GPC5: variants seen among roughly 807,000 people sequenced by gnomAD.
GPC5 encodes the protein glypican 5.
GPC5 carries 47 observed loss-of-function variants against 53.9 expected under a neutral mutation model. The ratio of observed to expected loss-of-function variants is 0.87; its 90% CI spans 0.69 to 1.11. GPC5 has a LOEUF of 1.11. GPC5 is among the 50% of genes most tolerant of loss of function. The pLI is 0.00. For missense variants in GPC5, 748 were observed against 713.1 expected, an observed-to-expected ratio of 1.05 and a Z score of -0.56; for synonymous variants, 286 against 263.3, an observed-to-expected ratio of 1.09 and a Z score of -0.84.
At chr13:92,113,776 C>A (rs2138931731) in intron 6 of GPC5, among the ~76,000 whole-genome samples, 1 of 149,902 alleles carries the variant, frequency 6.7e-6, no homozygotes, top group East Asian at 1.9e-4. Flanking sequence ...AAAGGTTATT[C>A]TTGAGGAGAC....
chr13:92,276,045 TGAA>T (rs1376700836), intron 7 of GPC5, among the ~76,000 whole-genome samples: 1 of 151,934 alleles, frequency 6.6e-6, no homozygotes, highest in Non-Finnish European at 1.5e-5. Flanking sequence ...ATTTAGAAAA[TGAA>T]CTGAGAATTG....
At chr13:92,796,656 G>GA (rs1876696489) in intron 7 of GPC5, among the ~76,000 whole-genome samples, 1 of 151,832 alleles carries the variant, frequency 6.6e-6, no homozygotes, top group South Asian at 2.1e-4. Flanking sequence ...TCAAAACAAA[G>GA]AAAATGACAA....
intron 7 of GPC5, among the ~76,000 whole-genome samples, chr13:92,740,708 TG>T (rs923562544): frequency 6.6e-6 from 1 of 151,894 alleles, no homozygotes; most frequent in Non-Finnish European, 1.5e-5. Context: ...ATGGAGATTG[TG>T]GGGAATTTCA....
At chr13:92,742,883 G>C (rs1196708433) in intron 7 of GPC5, among the ~76,000 whole-genome samples, 3 of 152,122 alleles carry the variant, frequency 2.0e-5, no homozygotes, top group Non-Finnish European at 1.5e-5. Context: ...TCAAAGATCA[G>C]ATAGTTGTAG....
chr13:91,924,772 TA>T (rs2039750783), intron 6 of GPC5, among the ~76,000 whole-genome samples: 1 of 151,436 alleles, frequency 6.6e-6, no homozygotes. Context: ...AAATAGAAAA[TA>T]AAAATATCAT....
intron 7 of GPC5, among the ~76,000 whole-genome samples, chr13:92,359,549 CGCATTACTATAAAGAACT>C (rs1235470406): frequency 6.6e-6 from 1 of 151,506 alleles, no homozygotes; most frequent in Non-Finnish European, 1.5e-5. Flanking sequence ...ACTTCATTAT[CGCATTACTATAAAGAACT>C]ACATGAGACT....
At chr13:92,350,464 T>G (rs2043466883) in intron 7 of GPC5, among the ~76,000 whole-genome samples, 1 of 152,124 alleles carries the variant, frequency 6.6e-6, no homozygotes, top group African/African-American at 2.4e-5. Context: ...ATGTTCTCCC[T>G]TACGTGTAGA....
At chr13:91,813,545 GT>G (rs2038348569) in intron 5 of GPC5, among the ~76,000 whole-genome samples, 1 of 152,178 alleles carries the variant, frequency 6.6e-6, no homozygotes, top group Non-Finnish European at 1.5e-5. Context: ...GGCCGGGTTG[GT>G]CTTTGACAGA....
chr13:92,036,885 T>G (rs1439817745), intron 6 of GPC5, among the ~76,000 whole-genome samples: 1 of 152,178 alleles, frequency 6.6e-6, no homozygotes. Context: ...CTCTAACTCT[T>G]CCTATAGTGA....
At chr13:92,609,902 G>A (rs1325374906) in intron 7 of GPC5, among the ~76,000 whole-genome samples, 2 of 151,854 alleles carry the variant, frequency 1.3e-5, no homozygotes, top group Non-Finnish European at 1.5e-5. Flanking sequence ...ATGGTGGCAT[G>A]TGCCTGTAAT....
chr13:91,989,808 G>A (rs1594709309), intron 6 of GPC5, among the ~76,000 whole-genome samples: 1 of 150,950 alleles, frequency 6.6e-6, no homozygotes, highest in East Asian at 2.0e-4. Context: ...TATTATTGGT[G>A]TACTTTATTA....
intron 6 of GPC5, among the ~76,000 whole-genome samples, chr13:92,138,608 T>C (rs1297475340): frequency 6.6e-6 from 1 of 152,092 alleles, no homozygotes; most frequent in African/African-American, 2.4e-5. Flanking sequence ...ATTTCATTTG[T>C]GTATGTTCGC....
Position 91,398,716 on chromosome 13 carries a change from T to C in GPC5, c.-331T>C, listed in dbSNP as rs1261355645. ...GCGGCAGTGGCGGCAGCGGCAGCAG[T>C]TGCAGCAGTGGTGGCCAGAGCGGAT... On this transcript the variant is annotated 5_prime_UTR_variant, in exon 1 of 8. Transcript: ENST00000377067. 7.4e-6 allele frequency: 2 copies of C among 270,330 alleles called. No homozygotes were observed. The highest frequency in any genetic ancestry group is 1.4e-5 in the Non-Finnish European group (2 of 146,136). The allele number at this position is 270,330 out of a possible 1,614,324, so 16.7% of individuals were successfully genotyped here. A position where few individuals can be genotyped will look rare whatever the true frequency, so the allele number is the denominator to read the frequency against.
chr13:91,455,444 T>A (rs1881476381), intron 2 of GPC5, among the ~76,000 whole-genome samples: 1 of 152,152 alleles, frequency 6.6e-6, no homozygotes, highest in Non-Finnish European at 1.5e-5. Flanking sequence ...TGGTCCTCTC[T>A]GATTATTAGG....
At chr13:91,543,532 AAGAGAG>A (rs57091950) in intron 2 of GPC5, among the ~76,000 whole-genome samples, 12 of 150,344 alleles carry the variant, frequency 8.0e-5, no homozygotes, top group Non-Finnish European at 1.5e-4. Context: ...TGATTTTTCA[AAGAGAG>A]AGAGAGAGAG....
At chr13:92,818,048 C>T (rs954014534) in intron 7 of GPC5, among the ~76,000 whole-genome samples, 6 of 149,416 alleles carry the variant, frequency 4.0e-5, no homozygotes, top group East Asian at 3.9e-4. Context: ...AGTCTCGCTC[C>T]GTCACCTAGG....
chr13:92,348,982 A>G (rs1372032692), intron 7 of GPC5, among the ~76,000 whole-genome samples: 2 of 152,182 alleles, frequency 1.3e-5, no homozygotes, highest in Non-Finnish European at 2.9e-5. Context: ...CCAGATTTCA[A>G]ACAATTAATC....
At position 91,978,957 on chromosome 13, in the gene GPC5, G is replaced by A. The variant is rs562698334; in HGVS notation, c.1401+70900G>A. ...GAACAGGTTGATAAGATGAAAGCAGGGAATTAAAGAAATAAGCAAATTGGC... is the reference window on the plus strand; with the variant it reads ...GAACAGGTTGATAAGATGAAAGCAGAGAATTAAAGAAATAAGCAAATTGGC... On this transcript the variant is annotated intron_variant, in intron 6 of 7. Coordinates refer to ENST00000377067, the MANE Select transcript of GPC5 (RefSeq NM_004466.6). Among the ~76,000 whole-genome samples the A allele has an allele frequency of 2.3e-4, 35 of 152,136 alleles. No homozygotes were observed. The South Asian group carries it at 5.4e-3, about 23-fold the overall frequency.
intron 2 of GPC5, among the ~76,000 whole-genome samples, chr13:91,488,898 G>C (rs374589983): frequency 1.3e-5 from 2 of 152,204 alleles, no homozygotes; most frequent in East Asian, 3.9e-4. Flanking sequence ...CTGAGAAAGA[G>C]AATGTGTCCC....
Sources: allele counts gnomAD v4.1 joint callset (sites outside exome capture counted in the v4.1 genomes callset), GRCh38; gene constraint gnomAD v4.1.1; transcripts MANE v1.5; gene names NCBI Gene and HGNC (gene_info 2026-07-23, HGNC 2026-07-21).